DPP10: variants seen among roughly 807,000 people sequenced by gnomAD.
The protein encoded by DPP10 is inactive dipeptidyl peptidase 10.
In DPP10, 33 loss-of-function variants were observed where a neutral mutation model predicts 120.9. That is an observed-to-expected ratio of 0.27 (90% CI 0.21 to 0.37). The LOEUF is 0.37. Ranked by LOEUF, DPP10 falls within the 10% of genes least tolerant of loss-of-function variation. The pLI, the probability that DPP10 is intolerant of heterozygous loss-of-function variation, is 1.00. For missense variants in DPP10, 816 were observed against 942.8 expected (o/e 0.87, Z 1.76); for synonymous variants, 337 against 326.1 (o/e 1.03, Z -0.36).
intron 3 of DPP10, among the ~76,000 whole-genome samples, chr2:115,403,002 T>G (rs941827030): frequency 6.7e-6 from 1 of 149,304 alleles, no homozygotes; most frequent in Non-Finnish European, 1.5e-5. Context: ...AAAGATACAT[T>G]TTTTAAATCC....
chr2:115,574,547 C>A (rs1414167210), intron 5 of DPP10, among the ~76,000 whole-genome samples: 10 of 152,158 alleles, frequency 6.6e-5, no homozygotes, highest in Admixed American at 5.9e-4. Flanking sequence ...CTTTTTGCAA[C>A]AAGGCTTTCT....
At chr2:115,807,958 A>C (rs1219327051) in intron 19 of DPP10, among the ~76,000 whole-genome samples, 1 of 152,128 alleles carries the variant, frequency 6.6e-6, no homozygotes, top group Non-Finnish European at 1.5e-5. Context: ...AAGTGAAAAG[A>C]CTTAAGAATG....
At chr2:114,532,804 G>A (rs956434518) in intron 1 of DPP10, among the ~76,000 whole-genome samples, 1 of 152,192 alleles carries the variant, frequency 6.6e-6, no homozygotes, top group Non-Finnish European at 1.5e-5. Context: ...TTACATGGAT[G>A]AGTCTCCTCT....
rs147683412 is a variant in DPP10, at chr2:115,461,181, C to T, written c.272-38329C>T. ...TGTCATCTCAAACGCTCAAAATAGTCAGTCTTAAATGACTGATTTGATGCT... is the reference window on the plus strand; with the variant it reads ...TGTCATCTCAAACGCTCAAAATAGTTAGTCTTAAATGACTGATTTGATGCT... On this transcript the variant is annotated intron_variant, in intron 3 of 25. Coordinates refer to ENST00000410059, the MANE Select transcript of DPP10 (RefSeq NM_020868.6). Among the ~76,000 whole-genome samples the T allele has an allele frequency of 2.1e-3, 319 of 151,486 alleles. 2 individuals carry two copies. The highest frequency in any genetic ancestry group is 3.6e-3 in the Non-Finnish European group (243 of 67,926).
At chr2:114,799,752 G>A (rs1319079458) in intron 1 of DPP10, among the ~76,000 whole-genome samples, 1 of 152,170 alleles carries the variant, frequency 6.6e-6, no homozygotes, top group African/African-American at 2.4e-5. Context: ...GATGTCCCCT[G>A]AGAAATACCT....
chr2:115,215,516 A>T (rs1365668339), intron 1 of DPP10, among the ~76,000 whole-genome samples: 1 of 152,176 alleles, frequency 6.6e-6, no homozygotes, highest in Non-Finnish European at 1.5e-5. Context: ...AAATTACAGA[A>T]GTGGGCAAAG....
chr2:115,526,122 G>C (rs572460574), intron 5 of DPP10, 150 bp downstream of exon 5: 2 of 550,454 alleles, frequency 3.6e-6, no homozygotes, highest in African/African-American at 3.9e-5. Flanking sequence ...CACAAAAGAT[G>C]TTTGAAGATA....
chr2:115,072,119 G>A (rs1159669168), intron 1 of DPP10, among the ~76,000 whole-genome samples: 1 of 152,088 alleles, frequency 6.6e-6, no homozygotes, highest in African/African-American at 2.4e-5. Context: ...ACAGAAATGA[G>A]TCACAGATTG....
intron 1 of DPP10, among the ~76,000 whole-genome samples, chr2:114,468,326 T>C (rs531987261): frequency 7.3e-6 from 1 of 137,140 alleles, no homozygotes; most frequent in South Asian, 2.2e-4. Flanking sequence ...TGGCATCAGC[T>C]AACTGGGAAT....
intron 1 of DPP10, among the ~76,000 whole-genome samples, chr2:114,643,802 A>C (rs1695893058): frequency 6.6e-6 from 1 of 151,180 alleles, no homozygotes; most frequent in South Asian, 2.1e-4. Context: ...CTTTCTTTTC[A>C]CCACCTTGGT....
chr2:115,125,489 A>C (rs1296478661), intron 1 of DPP10, among the ~76,000 whole-genome samples: 1 of 151,952 alleles, frequency 6.6e-6, no homozygotes, highest in Non-Finnish European at 1.5e-5. Flanking sequence ...GAAAAATTAG[A>C]AGCCAATTAT....
intron 1 of DPP10, among the ~76,000 whole-genome samples, chr2:114,750,814 T>C (rs1478879590): frequency 6.6e-6 from 1 of 152,200 alleles, no homozygotes; most frequent in Non-Finnish European, 1.5e-5. Flanking sequence ...GATTCGTCTC[T>C]CACAAAGCAT....
At chr2:114,750,433 A>G (rs1679098098) in intron 1 of DPP10, among the ~76,000 whole-genome samples, 1 of 151,764 alleles carries the variant, frequency 6.6e-6, no homozygotes. Context: ...TCCCAGGTTC[A>G]CACCATTCTC....
chr2:115,304,200 CA>C (rs1482519120), intron 1 of DPP10, among the ~76,000 whole-genome samples: 1 of 151,672 alleles, frequency 6.6e-6, no homozygotes, highest in African/African-American at 2.4e-5. Context: ...GAGGAGACCC[CA>C]TTTTTTTTTT....
intron 5 of DPP10, among the ~76,000 whole-genome samples, chr2:115,677,525 A>G (rs535568467): frequency 1.3e-5 from 2 of 152,322 alleles, no homozygotes; most frequent in African/African-American, 2.4e-5. Flanking sequence ...GCTGCCCACA[A>G]GAGACTCACT....
chr2:114,476,032 G>T (rs1050059114), intron 1 of DPP10, among the ~76,000 whole-genome samples: 5 of 152,270 alleles, frequency 3.3e-5, no homozygotes, highest in Non-Finnish European at 7.4e-5. Context: ...TAAGGCTTAA[G>T]AACTTTAAAT....
At chr2:114,851,088 C>T (rs1688912375) in intron 1 of DPP10, among the ~76,000 whole-genome samples, 1 of 151,944 alleles carries the variant, frequency 6.6e-6, no homozygotes, top group South Asian at 2.1e-4. Flanking sequence ...CACTTTTTTC[C>T]TCATTTTTTT....
chr2:115,602,282 T>C (rs2083375302), intron 5 of DPP10, among the ~76,000 whole-genome samples: 1 of 152,194 alleles, frequency 6.6e-6, no homozygotes, highest in Admixed American at 6.5e-5. Context: ...ATTATCTTTA[T>C]ACAATGACAG....
At chr2:115,294,567 G>A (rs1234263837) in intron 1 of DPP10, among the ~76,000 whole-genome samples, 1 of 151,562 alleles carries the variant, frequency 6.6e-6, no homozygotes, top group African/African-American at 2.4e-5. Context: ...TTTCTTCTTT[G>A]AAAAAGAGTT....
Sources: gnomAD v4.1 joint callset for allele counts (sites outside exome capture counted in the v4.1 genomes callset) on GRCh38, gnomAD v4.1.1 for gene constraint, MANE v1.5 for transcripts, NCBI Gene and HGNC (gene_info 2026-07-23, HGNC 2026-07-21) for gene names.